The following DGKI variants were observed in gnomAD, a reference collection of about 807,000 sequenced individuals.
DGKI encodes the protein diacylglycerol kinase iota.
A neutral mutation model predicts 147.5 loss-of-function variants in DGKI; 55 were observed. That is an observed-to-expected ratio of 0.37 (90% CI 0.30 to 0.47). The LOEUF is 0.47. DGKI is among the 20% of genes least tolerant of loss of function. DGKI has a pLI of 1.00. For synonymous variants in DGKI, 469 were observed against 477.1 expected (o/e 0.98, Z 0.22); for missense variants, 1,007 against 1,323.8 (o/e 0.76, Z 3.71).
intron 19 of DGKI, among the ~76,000 whole-genome samples, chr7:137,563,854 T>C (rs1369846014): frequency 6.6e-6 from 1 of 152,128 alleles, no homozygotes; most frequent in African/African-American, 2.4e-5. Context: ...TTGTTAATAT[T>C]CCAATTCCTC....
intron 30 of DGKI, among the ~76,000 whole-genome samples, chr7:137,402,653 C>T (rs1811802365): frequency 6.6e-6 from 1 of 152,212 alleles, no homozygotes; most frequent in Non-Finnish European, 1.5e-5. Context: ...GCTATTCCTT[C>T]CACTTCCCAT....
At chr7:137,694,194 G>A (rs1413379897) in intron 1 of DGKI, among the ~76,000 whole-genome samples, 5 of 151,880 alleles carry the variant, frequency 3.3e-5, no homozygotes, top group African/African-American at 9.7e-5. Flanking sequence ...GGTGGCGGGC[G>A]CCTGTAGTCC....
At position 137,441,054 on chromosome 7, in the gene DGKI, C is replaced by T. The variant is rs549899742; in HGVS notation, c.2761+3023G>A. Among the ~76,000 whole-genome samples the T allele has an allele frequency of 1.3e-3, 196 of 152,308 alleles. 1 individual carries two copies. Among genetic ancestry groups the T allele is most frequent in the African/African-American group, 4.6e-3 (193 of 41,562 alleles). On this transcript the variant is annotated intron_variant, in intron 28 of 32. Coordinates refer to ENST00000614521, the MANE Select transcript of DGKI (RefSeq NM_001321708.2). Reference sequence around the variant, plus strand: ...GGAACATAATCCCGAGCAAACATCACAGATAAACTTGTGCTTCCTCTTCTA... The same window carrying T: ...GGAACATAATCCCGAGCAAACATCATAGATAAACTTGTGCTTCCTCTTCTA...
In DGKI at chr7:137,391,181, G is replaced by A; in HGVS notation, c.*39C>T. The A allele has an allele frequency of 6.7e-7, 1 of 1,484,362 alleles. No individual in the cohort carries two copies. The highest frequency in any genetic ancestry group is 9.4e-7 in the Non-Finnish European group (1 of 1,062,742). 91.9% of individuals were successfully genotyped at this position (1,484,362 alleles called of 1,614,324 possible). The stretch of plus-strand genomic sequence containing the variant: ...GCCCAATTGCAGGGAGGGCAGATGT[G>A]ATACGCTTGCTCATGTCCTCTTTGC... On this transcript the variant is annotated 3_prime_UTR_variant, in exon 33 of 33. Transcript: ENST00000614521.
chr7:137,487,669 C>T lies in DGKI; in HGVS notation c.2269G>A (p.Val757Ile), dbSNP rs1007132177. The T allele has an allele frequency of 3.1e-6, 5 of 1,613,604 alleles. No individual in the cohort carries two copies. The African/African-American group carries it at 4.0e-5, about 13-fold the overall frequency. The change falls in exon 22 of 33, where the codon GTT (valine) becomes ATT (isoleucine). Residue 757 changes from valine (V) to isoleucine (I), a missense_variant. Transcript: ENST00000614521. The stretch of plus-strand genomic sequence containing the variant: ...TCCAAATCACAGTCTCCACGCACAA[C>T]TAGAATACCCAGAGGTATCGCTAAG... Reference protein sequence around the residue: ...REASIPLGILVVRGDCDLETC... With the variant: ...REASIPLGILIVRGDCDLETC...
chr7:137,414,183 G>C (rs1479065918), intron 28 of DGKI, among the ~76,000 whole-genome samples: 1 of 152,108 alleles, frequency 6.6e-6, no homozygotes, highest in African/African-American at 2.4e-5. Flanking sequence ...GTGAGCAGAT[G>C]CAAAGGACCA....
intron 27 of DGKI, among the ~76,000 whole-genome samples, chr7:137,456,417 C>G (rs1237734137): frequency 6.6e-6 from 1 of 152,060 alleles, no homozygotes; most frequent in East Asian, 1.9e-4. Context: ...TGACAAAGCA[C>G]CTTTTCTATC....
chr7:137,708,701 CAG>C (rs1418124100), intron 1 of DGKI, among the ~76,000 whole-genome samples: 1 of 152,102 alleles, frequency 6.6e-6, no homozygotes, highest in Non-Finnish European at 1.5e-5. Context: ...CTTATGATCT[CAG>C]GGGAAAAACC....
chr7:137,745,902 T>A (rs73152524), intron 1 of DGKI, among the ~76,000 whole-genome samples: 2,273 of 152,102 alleles, frequency 0.015, 32 homozygotes, highest in Non-Finnish European at 0.024. Flanking sequence ...ATTGCAAAAA[T>A]TATGGCCACA....
At position 137,476,344 on chromosome 7, in the gene DGKI, C is replaced by T. The variant is rs377029919; in HGVS notation, c.2374-6725G>A. 1.2e-4 allele frequency among the ~76,000 whole-genome samples: 19 copies of T among 152,226 alleles called. No individual in the cohort carries two copies. The South Asian group carries it at 3.7e-3, about 30-fold the overall frequency. ...CCTTTTTTTTTCTTTTTACGGTGTG[C>T]TCATTTTTTGCTTCTGAGAATTTCC... On this transcript the variant is annotated intron_variant, in intron 23 of 32. Coordinates refer to ENST00000614521, the MANE Select transcript of DGKI (RefSeq NM_001321708.2).
intron 28 of DGKI, among the ~76,000 whole-genome samples, chr7:137,418,680 A>T (rs958420688): frequency 4.6e-5 from 7 of 152,224 alleles, no homozygotes; most frequent in African/African-American, 1.7e-4. Context: ...TCCTATTACC[A>T]CATTGTTGTC....
rs1811061580 is a variant in DGKI at position 137,381,556 on chromosome 7, C to G, written c.*9664G>C. ...CCCACAGCCAAGGGTACCCTGGATG[C>G]CTGGGAACGTTTTCCCACTCAGAAA... On this transcript the variant is annotated 3_prime_UTR_variant, in exon 33 of 33. Coordinates refer to ENST00000614521, the MANE Select transcript of DGKI (RefSeq NM_001321708.2). The G allele has an allele frequency of 6.6e-6, 1 of 151,772 alleles. No homozygotes were observed. The highest frequency in any genetic ancestry group is 6.6e-5 in the Admixed American group (1 of 15,192). 9.4% of individuals were successfully genotyped at this position (151,772 alleles called of 1,614,324 possible).
At chr7:137,812,701 G>A (rs1320026452) in intron 1 of DGKI, among the ~76,000 whole-genome samples, 1 of 152,146 alleles carries the variant, frequency 6.6e-6, no homozygotes, top group Non-Finnish European at 1.5e-5. Context: ...TTACAAAGAA[G>A]GATATTGAGG....
chr7:137,448,300 C>CAAA lies in DGKI; in HGVS notation c.2736-4201_2736-4199dup, dbSNP rs35613517. Among the ~76,000 whole-genome samples the CAAA allele has an allele frequency of 8.2e-3, 655 of 79,916 alleles. 7 individuals are homozygous for CAAA. The highest frequency in any genetic ancestry group is 0.029 in the African/African-American group (589 of 20,378). 52.4% of individuals were successfully genotyped at this position (79,916 alleles called of 152,430 possible). A position where few individuals can be genotyped will look rare whatever the true frequency, so the allele number is the denominator to read the frequency against. On this transcript the variant is annotated intron_variant, in intron 27 of 32. Coordinates refer to ENST00000614521, the MANE Select transcript of DGKI (RefSeq NM_001321708.2). ...GACCATCCATCCCAAACTAGAAGCTCAAAAAAAAAAAAAAAAAAACTCACC... is the reference window on the plus strand; with the variant it reads ...GACCATCCATCCCAAACTAGAAGCTCAAAAAAAAAAAAAAAAAAAAAACTCACC...
At chr7:137,835,093 T>C (rs149397317) in intron 1 of DGKI, among the ~76,000 whole-genome samples, 10 of 152,358 alleles carry the variant, frequency 6.6e-5, no homozygotes, top group Admixed American at 2.6e-4. Flanking sequence ...CTTGGCACCA[T>C]CCAACCCCTT....
chr7:137,511,141 C>T (rs946129899), intron 21 of DGKI, among the ~76,000 whole-genome samples: 4 of 152,194 alleles, frequency 2.6e-5, no homozygotes, highest in African/African-American at 9.7e-5. Context: ...CTTACACTTC[C>T]GCCCTTGATT....
Position 137,678,541 on chromosome 7 carries a change from C to G in DGKI, c.606+16G>C. On this transcript the variant is annotated intron_variant, in intron 3 of 32. Transcript: ENST00000614521. ...ATCCACAGGCCTTCCCCCAGCAAGA[C>G]GGAGCGCACACTCACTGCAAATCTG... 6.2e-7 allele frequency: 1 copy of G among 1,612,948 alleles called. No homozygotes were observed. The highest frequency in any genetic ancestry group is 1.3e-5 in the African/African-American group (1 of 75,020).
chr7:137,553,675 A>G (rs1249314847), intron 19 of DGKI, among the ~76,000 whole-genome samples: 1 of 152,248 alleles, frequency 6.6e-6, no homozygotes, highest in African/African-American at 2.4e-5. Context: ...AATATTTTAT[A>G]TACACATGTG....
intron 19 of DGKI, among the ~76,000 whole-genome samples, chr7:137,558,570 G>A (rs1275464327): frequency 4.7e-5 from 7 of 150,294 alleles, no homozygotes; most frequent in Admixed American, 2.0e-4. Flanking sequence ...GAGCCACTGC[G>A]CCCAGCCCAC....
Sources: gnomAD v4.1 joint callset for allele counts (sites outside exome capture counted in the v4.1 genomes callset) on GRCh38, gnomAD v4.1.1 for gene constraint, MANE v1.5 for transcripts, NCBI Gene and HGNC (gene_info 2026-07-23, HGNC 2026-07-21) for gene names.